The following POU2AF1 variants were observed in gnomAD, a reference collection of about 807,000 sequenced individuals.
POU2AF1 encodes the protein POU class 2 homeobox associating factor 1.
POU2AF1 carries 12 observed loss-of-function variants against 26.3 expected under a neutral mutation model. The observed-to-expected ratio is 0.46, with a 90% confidence interval of 0.29 to 0.74. The LOEUF (loss-of-function observed/expected upper bound fraction) is 0.74, where lower values mean the gene tolerates loss of function less well. POU2AF1 is among the 30% of genes least tolerant of loss of function. The pLI is 0.09. For synonymous variants in POU2AF1, 175 were observed against 148.0 expected, an observed-to-expected ratio of 1.18 and a Z score of -1.32; for missense variants, 297 against 334.5, an observed-to-expected ratio of 0.89 and a Z score of 0.87.
intron 1 of POU2AF1, chr11:111,363,846 G>T (rs1861055713): frequency 1.0e-6 from 1 of 985,342 alleles, no homozygotes; most frequent in Non-Finnish European, 1.2e-6. Context: ...TAATCCTGTG[G>T]TCTGAGGGCC....
intron 1 of POU2AF1, among the ~76,000 whole-genome samples, chr11:111,374,692 C>G (rs1482850160): frequency 6.6e-6 from 1 of 152,018 alleles, no homozygotes; most frequent in Non-Finnish European, 1.5e-5. Context: ...AAGACTCTAT[C>G]TCAAAAAAAG....
intron 2 of POU2AF1, 104 bp downstream of exon 2, chr11:111,358,684 A>AT: frequency 7.7e-7 from 1 of 1,306,864 alleles, no homozygotes; most frequent in Non-Finnish European, 1.0e-6. Flanking sequence ...ACATACACAC[A>AT]CGCATACACA....
At chr11:111,356,139 C>A (rs1860841258) in intron 4 of POU2AF1, among the ~76,000 whole-genome samples, 1 of 152,116 alleles carries the variant, frequency 6.6e-6, no homozygotes. Context: ...ATATACAGAA[C>A]CTTTCAAAGC....
intron 1 of POU2AF1, among the ~76,000 whole-genome samples, chr11:111,361,203 C>A (rs1019971149): frequency 6.6e-6 from 1 of 151,884 alleles, no homozygotes; most frequent in South Asian, 2.1e-4. Flanking sequence ...TGCAGTCTAA[C>A]GGGGAAGACA....
At chr11:111,368,299 T>C (rs1280158753) in intron 1 of POU2AF1, among the ~76,000 whole-genome samples, 1 of 152,114 alleles carries the variant, frequency 6.6e-6, no homozygotes, top group African/African-American at 2.4e-5. Context: ...GGATCTCCAG[T>C]GCAGAGGGGC....
At chr11:111,358,758 A>G (rs80223743) in intron 2 of POU2AF1, 30 bp downstream of exon 2, 4 of 1,549,588 alleles carry the variant, frequency 2.6e-6, no homozygotes, top group South Asian at 2.3e-5. Context: ...ACACACACAC[A>G]CTCACACTCT....
intron 1 of POU2AF1, among the ~76,000 whole-genome samples, chr11:111,375,409 T>TTTTTTG (rs1861288955): frequency 7.3e-6 from 1 of 137,792 alleles, no homozygotes; most frequent in Non-Finnish European, 1.6e-5. Flanking sequence ...TTTTTTTTTT[T>TTTTTTG]TTTTTGAGGC....
chr11:111,369,663 G>T (rs1399411716), intron 1 of POU2AF1, among the ~76,000 whole-genome samples: 1 of 152,174 alleles, frequency 6.6e-6, no homozygotes, highest in Non-Finnish European at 1.5e-5. Flanking sequence ...TGAGAGTGGG[G>T]CATCAGGAAA....
chr11:111,374,785 A>G (rs1049146079), intron 1 of POU2AF1, among the ~76,000 whole-genome samples: 89 of 152,344 alleles, frequency 5.8e-4, no homozygotes, highest in African/African-American at 2.0e-3. Context: ...TGTAACATAG[A>G]ATAGAAATAT....
chr11:111,377,602 C>A (rs989218378), intron 1 of POU2AF1, among the ~76,000 whole-genome samples: 3 of 152,160 alleles, frequency 2.0e-5, no homozygotes, highest in Non-Finnish European at 4.4e-5. Context: ...TTTACCCCCA[C>A]TTAACATACA....
chr11:111,367,626 T>A (rs537137653), intron 1 of POU2AF1, among the ~76,000 whole-genome samples: 6 of 152,090 alleles, frequency 3.9e-5, no homozygotes, highest in Non-Finnish European at 8.8e-5. Context: ...AGGTTAATCA[T>A]CAAATGATTC....
intron 1 of POU2AF1, among the ~76,000 whole-genome samples, chr11:111,367,022 C>T (rs982471980): frequency 2.6e-5 from 4 of 152,130 alleles, no homozygotes; most frequent in African/African-American, 9.7e-5. Context: ...TTGGATTGTC[C>T]CTAAACTTCT....
chr11:111,363,894 G>A (rs184454224), intron 1 of POU2AF1: 1 of 985,356 alleles, frequency 1.0e-6, no homozygotes, highest in East Asian at 1.1e-4. Context: ...GTCCATCACG[G>A]AGGAAAATCT....
chr11:111,371,695 A>G (rs556789494), intron 1 of POU2AF1, among the ~76,000 whole-genome samples: 12 of 152,322 alleles, frequency 7.9e-5, no homozygotes, highest in Admixed American at 7.2e-4. Context: ...GTAGATTGTG[A>G]CAGAATGGGA....
rs869115956 is a variant in POU2AF1, at chr11:111,375,390, CTTTTTTTTT to C, written c.16+3763_16+3771del. Among the ~76,000 whole-genome samples the C allele has an allele frequency of 3.8e-5, 3 of 79,490 alleles. No homozygotes were observed. In the Admixed American group the frequency reaches 6.2e-4, roughly 16 times the overall value. 52.1% of individuals were successfully genotyped at this position (79,490 alleles called of 152,430 possible). On this transcript the variant is annotated intron_variant, in intron 1 of 4. Transcript: ENST00000393067. ...TGTACAACCCCAGGATACTGAGTAT[CTTTTTTTTT>C]TTTTTTTTTTTTTTTGAGGCGGAGT...
At chr11:111,360,509 G>A (rs1277325892) in intron 1 of POU2AF1, among the ~76,000 whole-genome samples, 2 of 152,194 alleles carry the variant, frequency 1.3e-5, no homozygotes, top group African/African-American at 4.8e-5. Flanking sequence ...ATGAGTCCCA[G>A]GGGCAGATGT....
intron 1 of POU2AF1, among the ~76,000 whole-genome samples, chr11:111,378,680 C>G (rs1317583853): frequency 0.034 from 2 of 58 alleles, no homozygotes; most frequent in African/African-American, 0.11. Context: ...TCCACAGGGA[C>G]AAGTCACACC....
At chr11:111,375,369 C>A (rs1056566493) in intron 1 of POU2AF1, among the ~76,000 whole-genome samples, 4 of 147,586 alleles carry the variant, frequency 2.7e-5, no homozygotes, top group Non-Finnish European at 6.0e-5. Context: ...TGGCAATGTA[C>A]AACCCCAGGA....
At chr11:111,367,041 C>T (rs908282179) in intron 1 of POU2AF1, among the ~76,000 whole-genome samples, 11 of 152,296 alleles carry the variant, frequency 7.2e-5, no homozygotes, top group Admixed American at 3.9e-4. Flanking sequence ...CTGGGTGTCC[C>T]GCCCCACAAC....
Sources: gnomAD v4.1 joint callset for allele counts (sites outside exome capture counted in the v4.1 genomes callset) on GRCh38, gnomAD v4.1.1 for gene constraint, MANE v1.5 for transcripts, NCBI Gene and HGNC (gene_info 2026-07-23, HGNC 2026-07-21) for gene names.